GABRA5: variants seen among roughly 807,000 people sequenced by gnomAD.
GABRA5 encodes gamma-aminobutyric acid receptor subunit alpha-5.
A neutral mutation model predicts 47.3 loss-of-function variants in GABRA5; 18 were observed. That is an observed-to-expected ratio of 0.38 (90% CI 0.26 to 0.56). The LOEUF (loss-of-function observed/expected upper bound fraction) is 0.56, where lower values mean the gene tolerates loss of function less well. Among genes scored for constraint, GABRA5 ranks in the 20% least tolerant of loss-of-function variants. The pLI, the probability that GABRA5 is intolerant of heterozygous loss-of-function variation, is 0.71. For missense variants in GABRA5, 365 were observed against 599.3 expected (o/e 0.61, Z 4.08); for synonymous variants, 237 against 229.3 (o/e 1.03, Z -0.30).
chr15:26,917,144 T>C (rs1002893709), intron 7 of GABRA5, among the ~76,000 whole-genome samples: 6 of 152,178 alleles, frequency 3.9e-5, no homozygotes, highest in Admixed American at 6.5e-5. Context: ...GTATCTTTGC[T>C]TTGTCCCTGA....
intron 6 of GABRA5, among the ~76,000 whole-genome samples, chr15:26,891,248 A>G (rs1306555465): frequency 6.6e-6 from 1 of 152,106 alleles, no homozygotes; most frequent in East Asian, 1.9e-4. Context: ...TGACCCCACA[A>G]AGGCTGCAGA....
At chr15:26,941,502 C>T (rs28412700) in intron 9 of GABRA5, among the ~76,000 whole-genome samples, 2,217 of 152,146 alleles carry the variant, frequency 0.015, 47 homozygotes, top group African/African-American at 0.047. Context: ...CAGGGAATGA[C>T]GTTCATGGAG....
chr15:26,926,959 A>G (rs947312059), intron 7 of GABRA5, among the ~76,000 whole-genome samples: 5 of 152,188 alleles, frequency 3.3e-5, no homozygotes, highest in African/African-American at 9.6e-5. Context: ...TAAAATACTC[A>G]TTCAGTGAAA....
intron 10 of GABRA5, among the ~76,000 whole-genome samples, chr15:26,945,646 C>T (rs1894492668): frequency 6.6e-6 from 1 of 152,202 alleles, no homozygotes; most frequent in Non-Finnish European, 1.5e-5. Context: ...GGGCCTGACT[C>T]TGGCCAGACA....
chr15:26,867,187 G>A lies in GABRA5; in HGVS notation c.-140+76G>A, dbSNP rs1339147877. On this transcript the variant is annotated intron_variant, in intron 1 of 10. Transcript: ENST00000335625. The surrounding 1 kb of genome is among the most constrained non-coding windows in gnomAD (Gnocchi z 5.9). The stretch of plus-strand genomic sequence containing the variant: ...CGGCGCGCGGCCCGGGGCGCGGCGC[G>A]GAGCGGAGCTGCAGGGCGGCGGCGG... 1 of 148,934 alleles carries A rather than the reference G, an allele frequency of 6.7e-6. No homozygotes were observed. Among genetic ancestry groups the A allele is most frequent in the Non-Finnish European group, 1.5e-5 (1 of 66,690 alleles). 9.2% of individuals were successfully genotyped at this position (148,934 alleles called of 1,614,324 possible).
intron 10 of GABRA5, among the ~76,000 whole-genome samples, chr15:26,944,573 G>A (rs1408245183): frequency 3.3e-5 from 5 of 152,204 alleles, no homozygotes; most frequent in African/African-American, 1.2e-4. Flanking sequence ...TGATCTGACT[G>A]CACTGGGTGA....
At chr15:26,917,120 G>A (rs1004764592) in intron 7 of GABRA5, among the ~76,000 whole-genome samples, 3 of 152,150 alleles carry the variant, frequency 2.0e-5, no homozygotes, top group African/African-American at 7.2e-5. Flanking sequence ...AATAGAGGTG[G>A]TAATGGTGGG....
chr15:26,891,276 A>T (rs552768811), intron 6 of GABRA5, among the ~76,000 whole-genome samples: 3 of 152,306 alleles, frequency 2.0e-5, no homozygotes. Flanking sequence ...GTCCTAGTGA[A>T]ACAGAAACCA....
rs189790076 is a variant in GABRA5, at chr15:26,933,582, G to C, written c.581-3603G>C. ...CCCATTAAGTTCATAAATAGTAACA[G>C]CATGGTCTCTGACTCTCTCCCTGTC... On this transcript the variant is annotated intron_variant, in intron 7 of 10. Transcript: ENST00000335625. Among the ~76,000 whole-genome samples, 64 of 152,274 alleles carry C rather than the reference G, an allele frequency of 4.2e-4. No individual in the cohort carries two copies. The East Asian group carries it at 0.01, about 25-fold the overall frequency.
At chr15:26,898,827 A>G (rs1893260277) in intron 6 of GABRA5, among the ~76,000 whole-genome samples, 1 of 151,450 alleles carries the variant, frequency 6.6e-6, no homozygotes, top group African/African-American at 2.4e-5. Context: ...ATTCAGAGCT[A>G]TAAATTTGAC....
At position 26,941,412 on chromosome 15, in the gene GABRA5, C is replaced by T. The variant is rs576742901; in HGVS notation, c.877+1335C>T. On this transcript the variant is annotated intron_variant, in intron 9 of 10. Coordinates refer to ENST00000335625, the MANE Select transcript of GABRA5 (RefSeq NM_000810.4). ...AAGATCATGCATAGAACACTTCCCCCGCAACACAGTGATTAAGTGGATTTC... is the reference window on the plus strand; with the variant it reads ...AAGATCATGCATAGAACACTTCCCCTGCAACACAGTGATTAAGTGGATTTC... Among the ~76,000 whole-genome samples, 15 of 151,966 alleles carry T rather than the reference C, an allele frequency of 9.9e-5. 1 individual carries two copies. In the Middle Eastern group the frequency reaches 0.017, roughly 172 times the overall value.
intron 7 of GABRA5, among the ~76,000 whole-genome samples, chr15:26,924,806 G>A (rs1475604907): frequency 1.3e-5 from 2 of 152,092 alleles, no homozygotes; most frequent in Admixed American, 6.6e-5. Context: ...TGGCTAGATC[G>A]CACAGGCATC....
At chr15:26,873,046 T>A (rs1892510267) in intron 3 of GABRA5, among the ~76,000 whole-genome samples, 1 of 152,190 alleles carries the variant, frequency 6.6e-6, no homozygotes, top group Non-Finnish European at 1.5e-5. Context: ...AAGTCAAGTA[T>A]ACAATACAAT....
intron 9 of GABRA5, among the ~76,000 whole-genome samples, chr15:26,940,986 G>A (rs1397014215): frequency 6.6e-6 from 1 of 152,226 alleles, no homozygotes; most frequent in Non-Finnish European, 1.5e-5. Flanking sequence ...TGCTATTGCA[G>A]TTTCCTTTCC....
intron 7 of GABRA5, among the ~76,000 whole-genome samples, chr15:26,920,697 A>G (rs1223882116): frequency 6.6e-6 from 1 of 152,076 alleles, no homozygotes; most frequent in East Asian, 1.9e-4. Flanking sequence ...ACCTCTCCCA[A>G]TCTTCATAAA....
At chr15:26,934,330 A>C (rs553164783) in intron 7 of GABRA5, among the ~76,000 whole-genome samples, 2 of 152,162 alleles carry the variant, frequency 1.3e-5, no homozygotes, top group East Asian at 3.9e-4. Flanking sequence ...GGTTTAGATA[A>C]CTCAAACCCT....
intron 3 of GABRA5, among the ~76,000 whole-genome samples, chr15:26,871,882 G>A (rs1892481827): frequency 6.6e-6 from 1 of 152,288 alleles, no homozygotes; most frequent in African/African-American, 2.4e-5. Context: ...TGGCTTACAA[G>A]TTTTCTTAGG....
chr15:26,884,189 G>C (rs910381726), intron 6 of GABRA5, among the ~76,000 whole-genome samples: 1 of 149,490 alleles, frequency 6.7e-6, no homozygotes, highest in Admixed American at 6.6e-5. Flanking sequence ...ATTCTGTCTC[G>C]AAAAAAGAAA....
rs75690401 is a variant in GABRA5, at chr15:26,943,357, G to A, written c.1020G>A (p.Thr340=). The A allele has an allele frequency of 1.0e-4, 165 of 1,599,558 alleles. 1 individual carries two copies. The highest frequency in any genetic ancestry group is 3.3e-4 in the Middle Eastern group (2 of 6,046). The part of the protein sequence containing the change: ...FVFSALIEFA[T]VNYFTKRGWA... ...TCTCGGCGCTGATAGAGTTTGCCACGGTCAATTACTTTACCAAGAGAGGCT... is the reference window on the plus strand; with the variant it reads ...TCTCGGCGCTGATAGAGTTTGCCACAGTCAATTACTTTACCAAGAGAGGCT... The change falls in exon 10 of 11, where the codon ACG becomes ACA. Residue 340 remains threonine (T), a synonymous_variant. Coordinates refer to ENST00000335625, the MANE Select transcript of GABRA5 (RefSeq NM_000810.4).
Sources: gnomAD v4.1 joint callset for allele counts (sites outside exome capture counted in the v4.1 genomes callset) on GRCh38, gnomAD v4.1.1 for gene constraint, Gnocchi (gnomAD v3.1) non-coding constraint, MANE v1.5 for transcripts, NCBI Gene and HGNC (gene_info 2026-07-23, HGNC 2026-07-21) for gene names.